RPS6KC1: variants seen among roughly 807,000 people sequenced by gnomAD.
RPS6KC1 encodes ribosomal protein S6 kinase C1.
In RPS6KC1, 54 loss-of-function variants were observed where a neutral mutation model predicts 103.8. That is an observed-to-expected ratio of 0.52 (90% CI 0.42 to 0.65). RPS6KC1 has a LOEUF of 0.65. RPS6KC1 is among the 30% of genes least tolerant of loss of function. RPS6KC1 has a pLI of 0.00. For missense variants in RPS6KC1, 1,151 were observed against 1,253.8 expected (o/e 0.92, Z 1.24); for synonymous variants, 439 against 438.7 (o/e 1.00, Z -0.01).
chr1:213,636,319 T>C, the RPS6KC1 span, among the ~76,000 whole-genome samples: 2 of 152,270 alleles, frequency 1.3e-5, no homozygotes, highest in South Asian at 4.1e-4. Flanking sequence ...AAGAGAAACC[T>C]AAGCAAAAAG....
chr1:213,717,401 A>G, the RPS6KC1 span, among the ~76,000 whole-genome samples: 6 of 152,358 alleles, frequency 3.9e-5, no homozygotes, highest in African/African-American at 1.4e-4. Context: ...GAAGGAAAAA[A>G]GTAACTTGAG....
At chr1:213,303,867 T>G in the RPS6KC1 span, among the ~76,000 whole-genome samples, 1 of 152,066 alleles carries the variant, frequency 6.6e-6, no homozygotes, top group East Asian at 1.9e-4. Context: ...ATAGAGCCAT[T>G]GTACCGAACA....
chr1:213,331,321 T>A, the RPS6KC1 span, among the ~76,000 whole-genome samples: 2 of 152,242 alleles, frequency 1.3e-5, no homozygotes, highest in Non-Finnish European at 2.9e-5. Flanking sequence ...GGGGTCTCCT[T>A]GTGCTGGCCC....
At chr1:213,748,925 A>C in the RPS6KC1 span, among the ~76,000 whole-genome samples, 1 of 152,210 alleles carries the variant, frequency 6.6e-6, no homozygotes, top group African/African-American at 2.4e-5. Flanking sequence ...TGGCAGTCTT[A>C]ATTATTGTCC....
At chr1:213,057,861 T>C (rs556809034) in intron 1 of RPS6KC1, among the ~76,000 whole-genome samples, 2 of 143,906 alleles carry the variant, frequency 1.4e-5, no homozygotes, top group African/African-American at 5.1e-5. Context: ...CCTCCTGAGC[T>C]CAAGCAATTC....
At chr1:213,726,188 C>T in the RPS6KC1 span, among the ~76,000 whole-genome samples, 141 of 152,258 alleles carry the variant, frequency 9.3e-4, 1 homozygote, top group African/African-American at 3.2e-3. Context: ...TGGGCTCAGG[C>T]GATCTTCTCA....
At chr1:213,192,112 A>G (rs1284625164) in intron 8 of RPS6KC1, among the ~76,000 whole-genome samples, 1 of 152,164 alleles carries the variant, frequency 6.6e-6, no homozygotes, top group Non-Finnish European at 1.5e-5. Flanking sequence ...GGGATGTTGA[A>G]TTTTGTAAAA....
intron 4 of RPS6KC1, among the ~76,000 whole-genome samples, chr1:213,110,282 A>G (rs1181379280): frequency 6.6e-6 from 1 of 152,050 alleles, no homozygotes; most frequent in South Asian, 2.1e-4. Flanking sequence ...TATGTCCTGT[A>G]ATTTTTTTTT....
chr1:213,580,992 T>A, the RPS6KC1 span, among the ~76,000 whole-genome samples: 2 of 152,062 alleles, frequency 1.3e-5, no homozygotes, highest in South Asian at 2.1e-4. Flanking sequence ...CATAGGTAAT[T>A]TGCAAATACT....
the RPS6KC1 span, among the ~76,000 whole-genome samples, chr1:213,370,207 A>G: frequency 6.6e-6 from 1 of 150,436 alleles, no homozygotes; most frequent in African/African-American, 2.5e-5. Flanking sequence ...GCTTGTACTA[A>G]GACAGTTTGG....
At chr1:213,655,235 G>T in the RPS6KC1 span, among the ~76,000 whole-genome samples, 2 of 152,104 alleles carry the variant, frequency 1.3e-5, no homozygotes, top group African/African-American at 4.8e-5. Flanking sequence ...TAGAGACAGG[G>T]TTTTGCCACA....
chr1:213,268,312 G>T (rs2094958288), intron 14 of RPS6KC1, among the ~76,000 whole-genome samples: 1 of 151,654 alleles, frequency 6.6e-6, no homozygotes, highest in African/African-American at 2.4e-5. Flanking sequence ...AGTAAACCAA[G>T]AATTCAGCAA....
chr1:213,843,796 C>T, the RPS6KC1 span, among the ~76,000 whole-genome samples: 1 of 152,088 alleles, frequency 6.6e-6, no homozygotes, highest in Non-Finnish European at 1.5e-5. Context: ...TTTTCTTTCC[C>T]ATCTTCCTTT....
the RPS6KC1 span, among the ~76,000 whole-genome samples, chr1:213,310,668 TCTCTTTTGTTTG>T: frequency 6.6e-6 from 1 of 152,252 alleles, no homozygotes; most frequent in Admixed American, 6.5e-5. Flanking sequence ...AGGCATTGTA[TCTCTTTTGTTTG>T]CAGGCACTGT....
At chr1:213,519,879 G>A in the RPS6KC1 span, among the ~76,000 whole-genome samples, 31 of 152,176 alleles carry the variant, frequency 2.0e-4, no homozygotes, top group East Asian at 6.0e-3. Flanking sequence ...TTATTTATGT[G>A]GGATCTCAAA....
At chr1:213,466,130 A>G in the RPS6KC1 span, among the ~76,000 whole-genome samples, 3 of 152,014 alleles carry the variant, frequency 2.0e-5, no homozygotes, top group African/African-American at 7.3e-5. Flanking sequence ...ATTCTTTTGG[A>G]TTTCCCACTC....
chr1:213,066,795 G>T (rs928118633), intron 1 of RPS6KC1, among the ~76,000 whole-genome samples: 6 of 152,140 alleles, frequency 3.9e-5, no homozygotes, highest in African/African-American at 1.2e-4. Flanking sequence ...GAGAGGTCTG[G>T]CATCTCATTG....
the RPS6KC1 span, among the ~76,000 whole-genome samples, chr1:213,640,612 T>C: frequency 1.3e-5 from 2 of 152,042 alleles, no homozygotes; most frequent in African/African-American, 4.8e-5. Context: ...TGTTTGCCTT[T>C]TCATGCAGTC....
the RPS6KC1 span, among the ~76,000 whole-genome samples, chr1:213,328,928 A>G: frequency 2.0e-5 from 3 of 152,232 alleles, no homozygotes; most frequent in Admixed American, 2.0e-4. Flanking sequence ...TGTTTTGATC[A>G]TGCCCTTTTA....
Sources: allele counts gnomAD v4.1 joint callset (sites outside exome capture counted in the v4.1 genomes callset), GRCh38; gene constraint gnomAD v4.1.1; transcripts MANE v1.5; gene names NCBI Gene and HGNC (gene_info 2026-07-23, HGNC 2026-07-21).